The following RBMS3 variants were observed in gnomAD, a reference collection of about 807,000 sequenced individuals.
The protein encoded by RBMS3 is RNA binding motif single stranded interacting protein 3.
Under a neutral mutation model 66.8 loss-of-function variants are expected in RBMS3, and 27 were observed. That is an observed-to-expected ratio of 0.40 (90% CI 0.30 to 0.56). The LOEUF (loss-of-function observed/expected upper bound fraction) is 0.56, where lower values mean the gene tolerates loss of function less well. RBMS3 is among the 20% of genes least tolerant of loss of function. RBMS3 has a pLI of 0.40. For synonymous variants in RBMS3, 188 were observed against 183.0 expected (o/e 1.03, Z -0.22); for missense variants, 513 against 549.5 (o/e 0.93, Z 0.66).
intron 2 of RBMS3, among the ~76,000 whole-genome samples, chr3:29,462,482 G>A (rs927843020): frequency 2.0e-5 from 3 of 152,116 alleles, no homozygotes; most frequent in Non-Finnish European, 4.4e-5. Flanking sequence ...GAGCAGTCTA[G>A]GCTAAATTGT....
At chr3:29,483,057 A>G (rs572108958) in intron 2 of RBMS3, among the ~76,000 whole-genome samples, 1 of 151,940 alleles carries the variant, frequency 6.6e-6, no homozygotes, top group Non-Finnish European at 1.5e-5. Flanking sequence ...TTGAAGTTTT[A>G]AAAGTAGTTC....
chr3:29,452,844 A>G (rs1380154778), intron 2 of RBMS3, among the ~76,000 whole-genome samples: 1 of 152,198 alleles, frequency 6.6e-6, no homozygotes, highest in East Asian at 1.9e-4. Flanking sequence ...GTTAAGGTAA[A>G]GCTGGGTCCT....
At chr3:29,307,086 T>C (rs1237645655) in intron 1 of RBMS3, among the ~76,000 whole-genome samples, 4 of 151,936 alleles carry the variant, frequency 2.6e-5, no homozygotes, top group African/African-American at 7.2e-5. Context: ...TTGTTTAAAA[T>C]TGCTGCTAGT....
chr3:29,984,161 G>A (rs1305852129), intron 12 of RBMS3, among the ~76,000 whole-genome samples: 1 of 151,066 alleles, frequency 6.6e-6, no homozygotes, highest in Admixed American at 6.6e-5. Context: ...TCATTAAGTT[G>A]ATCTTCAATC....
chr3:29,358,590 T>C (rs2037369361), intron 1 of RBMS3, among the ~76,000 whole-genome samples: 1 of 152,158 alleles, frequency 6.6e-6, no homozygotes, highest in Non-Finnish European at 1.5e-5. Flanking sequence ...AAGAAAGTCA[T>C]TGGTAGCTTG....
intron 12 of RBMS3, among the ~76,000 whole-genome samples, chr3:29,945,406 A>T (rs1180404852): frequency 6.6e-6 from 1 of 151,692 alleles, no homozygotes; most frequent in Non-Finnish European, 1.5e-5. Flanking sequence ...ATTGAGGAAG[A>T]ATACGTTAGC....
At chr3:29,591,069 C>T (rs888460594) in intron 4 of RBMS3, among the ~76,000 whole-genome samples, 8 of 152,124 alleles carry the variant, frequency 5.3e-5, no homozygotes, top group Admixed American at 1.3e-4. Flanking sequence ...TATGATTTCC[C>T]GCTTTCTTGT....
intron 6 of RBMS3, among the ~76,000 whole-genome samples, chr3:29,833,050 G>T (rs114510403): frequency 6.6e-6 from 1 of 152,108 alleles, no homozygotes; most frequent in Non-Finnish European, 1.5e-5. Context: ...TTGTGGGATC[G>T]AGAGACAGCA....
chr3:29,837,327 TA>T (rs2058537313), intron 6 of RBMS3, among the ~76,000 whole-genome samples: 1 of 152,036 alleles, frequency 6.6e-6, no homozygotes, highest in Admixed American at 6.6e-5. Flanking sequence ...AGTCTAGTTT[TA>T]CTGTGGATTA....
chr3:29,457,064 C>T (rs1333015025), intron 2 of RBMS3, among the ~76,000 whole-genome samples: 1 of 152,136 alleles, frequency 6.6e-6, no homozygotes, highest in African/African-American at 2.4e-5. Flanking sequence ...CACACTTCAT[C>T]CCAGGTAGAA....
intron 4 of RBMS3, among the ~76,000 whole-genome samples, chr3:29,621,977 C>G (rs1169926903): frequency 1.3e-5 from 2 of 151,984 alleles, no homozygotes; most frequent in African/African-American, 4.8e-5. Context: ...TGGCAAGGTC[C>G]TAGGGATGAA....
chr3:29,477,453 T>TAACA (rs35287781), intron 2 of RBMS3, among the ~76,000 whole-genome samples: 56,101 of 150,874 alleles, frequency 0.37, 10,813 homozygotes, highest in Admixed American at 0.46. Context: ...GTCAGGGATA[T>TAACA]AACAAACAAA....
intron 1 of RBMS3, among the ~76,000 whole-genome samples, chr3:29,385,405 C>T (rs776842198): frequency 7.9e-5 from 12 of 152,120 alleles, no homozygotes; most frequent in African/African-American, 2.4e-5. Context: ...CTCCTTTATC[C>T]TCAAATTTTC....
rs1699795073 is a variant in RBMS3 at position 30,006,100 on chromosome 3, G to T, written c.*2238G>T. 1 of 151,826 alleles carries T rather than the reference G, an allele frequency of 6.6e-6. No homozygotes were observed. The highest frequency in any genetic ancestry group is 1.5e-5 in the Non-Finnish European group (1 of 67,818). 9.4% of individuals were successfully genotyped at this position (151,826 alleles called of 1,614,324 possible). On this transcript the variant is annotated 3_prime_UTR_variant, in exon 15 of 15. Transcript: ENST00000383767. ...AGATTGCTTTCTGAATGAATCCTTT[G>T]AATCAAATAGGTGAAACTCTTTTCA... is the stretch of plus-strand genomic sequence containing the variant.
intron 4 of RBMS3, among the ~76,000 whole-genome samples, chr3:29,666,576 T>C (rs60532267): frequency 0.071 from 10,738 of 152,176 alleles, 1,241 homozygotes; most frequent in African/African-American, 0.24. Flanking sequence ...AACTCCTTTT[T>C]ATACTTGAAT....
At chr3:29,662,754 G>T (rs2050605569) in intron 4 of RBMS3, among the ~76,000 whole-genome samples, 1 of 152,184 alleles carries the variant, frequency 6.6e-6, no homozygotes, top group African/African-American at 2.4e-5. Context: ...AACCAGCAGT[G>T]AGAGACATGG....
chr3:29,388,686 C>T (rs2039129060), intron 1 of RBMS3, among the ~76,000 whole-genome samples: 1 of 152,178 alleles, frequency 6.6e-6, no homozygotes, highest in South Asian at 2.1e-4. Flanking sequence ...CCGCCTCAGC[C>T]TCCCGAGTAG....
intron 4 of RBMS3, among the ~76,000 whole-genome samples, chr3:29,594,817 G>A (rs2047886333): frequency 6.6e-6 from 1 of 152,084 alleles, no homozygotes; most frequent in African/African-American, 2.4e-5. Context: ...ATTATTTGAA[G>A]TTTTTGAAGC....
chr3:29,325,645 T>C (rs200382992), intron 1 of RBMS3, among the ~76,000 whole-genome samples: 13 of 146,802 alleles, frequency 8.9e-5, no homozygotes, highest in South Asian at 2.2e-4. Flanking sequence ...TATATACACA[T>C]ACACACACAC....
Sources: allele counts gnomAD v4.1 joint callset (sites outside exome capture counted in the v4.1 genomes callset), GRCh38; gene constraint gnomAD v4.1.1; transcripts MANE v1.5; gene names NCBI Gene and HGNC (gene_info 2026-07-23, HGNC 2026-07-21).